Variants in TTC7B observed in about 807,000 individuals in gnomAD.
TTC7B encodes tetratricopeptide repeat protein 7B.
Under a neutral mutation model 106.8 loss-of-function variants are expected in TTC7B, and 28 were observed. The observed-to-expected ratio is 0.26, with a 90% CI of 0.19 to 0.36. The LOEUF is 0.36. Among genes scored for constraint, TTC7B ranks in the 10% least tolerant of loss-of-function variants. The probability of loss-of-function intolerance (pLI) is 1.00; values close to 1 mark genes in which losing one functional copy is unlikely to be tolerated. For missense variants in TTC7B, 862 were observed against 1,076.4 expected (o/e 0.80, Z 2.79); for synonymous variants, 405 against 430.6 (o/e 0.94, Z 0.74).
At chr14:90,606,949 T>A (rs1892664438) in intron 17 of TTC7B, among the ~76,000 whole-genome samples, 1 of 152,292 alleles carries the variant, frequency 6.6e-6, no homozygotes, top group East Asian at 1.9e-4. Context: ...GTATTGTAGT[T>A]ATATATTTTT....
intron 16 of TTC7B, among the ~76,000 whole-genome samples, chr14:90,617,457 T>C (rs1893131850): frequency 6.6e-6 from 1 of 152,232 alleles, no homozygotes; most frequent in Admixed American, 6.5e-5. Context: ...GTATGCATCA[T>C]GATTTTAACT....
At chr14:90,664,661 G>A (rs777665949) in intron 9 of TTC7B, among the ~76,000 whole-genome samples, 1 of 152,214 alleles carries the variant, frequency 6.6e-6, no homozygotes, top group African/African-American at 2.4e-5. Context: ...TGCATGGGGG[G>A]CATATAAGAG....
At chr14:90,719,291 C>G (rs1188207244) in intron 5 of TTC7B, among the ~76,000 whole-genome samples, 1 of 152,092 alleles carries the variant, frequency 6.6e-6, no homozygotes, top group African/African-American at 2.4e-5. Context: ...CAAACAAAAA[C>G]AACAAAAATA....
intron 5 of TTC7B, among the ~76,000 whole-genome samples, chr14:90,729,424 C>A (rs1484508825): frequency 1.3e-5 from 2 of 152,136 alleles, no homozygotes; most frequent in Admixed American, 6.5e-5. Flanking sequence ...ACAGAGGAAC[C>A]AGATACCTAC....
chr14:90,626,496 A>G (rs531530634), intron 15 of TTC7B, among the ~76,000 whole-genome samples: 434 of 152,290 alleles, frequency 2.8e-3, no homozygotes, highest in Middle Eastern at 6.8e-3. Flanking sequence ...AGGGGGTACC[A>G]TTCATACTGT....
intron 14 of TTC7B, among the ~76,000 whole-genome samples, chr14:90,646,278 C>T (rs939016988): frequency 4.6e-5 from 7 of 152,172 alleles, no homozygotes; most frequent in Admixed American, 2.6e-4. Flanking sequence ...TGTCTTGCAC[C>T]TGGTGGGTGG....
intron 17 of TTC7B, among the ~76,000 whole-genome samples, chr14:90,602,444 G>A (rs1476196677): frequency 1.3e-5 from 2 of 152,234 alleles, no homozygotes; most frequent in African/African-American, 2.4e-5. Flanking sequence ...GCTCACGCCT[G>A]TAATCCCAGC....
Position 90,533,471 on chromosome 14 carries a change from C to T in TTC7B, c.*7897G>A, listed in dbSNP as rs1344583494. The T allele has an allele frequency of 6.5e-6, 1 of 152,718 alleles. No individual in the cohort carries two copies. The highest frequency in any genetic ancestry group is 1.5e-5 in the Non-Finnish European group (1 of 68,420). 9.5% of individuals were successfully genotyped at this position (152,718 alleles called of 1,614,324 possible). ...CGTCCCAGCAGCCACTCACCCCTCGCCTGAGGATAGAAGAAAGAAGGAAAG... is the reference window on the plus strand; with the variant it reads ...CGTCCCAGCAGCCACTCACCCCTCGTCTGAGGATAGAAGAAAGAAGGAAAG... On this transcript the variant is annotated 3_prime_UTR_variant, in exon 20 of 20. Coordinates refer to ENST00000328459, the MANE Select transcript of TTC7B (RefSeq NM_001010854.2).
At chr14:90,597,768 G>A (rs1211070519) in intron 17 of TTC7B, among the ~76,000 whole-genome samples, 1 of 152,096 alleles carries the variant, frequency 6.6e-6, no homozygotes, top group Admixed American at 6.5e-5. Context: ...GACTTATATA[G>A]GTAAACAGCT....
intron 15 of TTC7B, among the ~76,000 whole-genome samples, chr14:90,638,564 A>T (rs1311096924): frequency 1.3e-5 from 2 of 152,246 alleles, no homozygotes; most frequent in Admixed American, 1.3e-4. Flanking sequence ...TTAAAAAATT[A>T]TAAAAACATC....
rs990371254 is a variant in TTC7B, at chr14:90,570,794, A to T, written c.2310+7312T>A. On this transcript the variant is annotated intron_variant, in intron 19 of 19. Coordinates refer to ENST00000328459, the MANE Select transcript of TTC7B (RefSeq NM_001010854.2). This position sits in a 1 kb window ranked among gnomAD's most constrained non-coding sequence, Gnocchi z 4.0. ...TTTGCGGAGTGTGAGGCACCCTGCTAACTCATTTAACCCGCACAGCAACAC... is the reference window on the plus strand; with the variant it reads ...TTTGCGGAGTGTGAGGCACCCTGCTTACTCATTTAACCCGCACAGCAACAC... Among the ~76,000 whole-genome samples, 6 of 152,110 alleles carry T rather than the reference A, an allele frequency of 3.9e-5. No homozygotes were observed. Among genetic ancestry groups the T allele is most frequent in the Admixed American group, 1.3e-4 (2 of 15,276 alleles).
chr14:90,531,613 C>A lies in TTC7B; in HGVS notation c.*9755G>T, dbSNP rs1566754790. 1 of 133,354 alleles carries A rather than the reference C, an allele frequency of 7.5e-6. No homozygotes were observed. The highest frequency in any genetic ancestry group is 7.7e-5 in the Admixed American group (1 of 13,030). The allele number at this position is 133,354 out of a possible 1,614,324, so 8.3% of individuals were successfully genotyped here. A position where few individuals can be genotyped will look rare whatever the true frequency, so the allele number is the denominator to read the frequency against. On this transcript the variant is annotated 3_prime_UTR_variant, in exon 20 of 20. Transcript: ENST00000328459. ...CAGCCTGGACAACAAGAGCGAAACTCCTTCTCAAAAAAAAAAAAAAAAAAA... is the reference window on the plus strand; with the variant it reads ...CAGCCTGGACAACAAGAGCGAAACTACTTCTCAAAAAAAAAAAAAAAAAAA...
chr14:90,595,282 G>A (rs778986950), intron 17 of TTC7B, among the ~76,000 whole-genome samples: 4 of 152,064 alleles, frequency 2.6e-5, no homozygotes, highest in South Asian at 4.1e-4. Flanking sequence ...GCAGTGAGCC[G>A]AGGTCGCTCC....
chr14:90,611,508 A>T (rs1315064791), intron 16 of TTC7B, among the ~76,000 whole-genome samples: 1 of 152,118 alleles, frequency 6.6e-6, no homozygotes, highest in East Asian at 1.9e-4. Context: ...CGTGTGGTTA[A>T]CTTTCCTGCT....
intron 19 of TTC7B, among the ~76,000 whole-genome samples, chr14:90,553,443 G>A (rs942643765): frequency 4.6e-5 from 7 of 152,232 alleles, no homozygotes; most frequent in African/African-American, 1.2e-4. Context: ...TCGGCTCTCC[G>A]ATGCACAGCC....
At chr14:90,597,385 C>T (rs943025663) in intron 17 of TTC7B, among the ~76,000 whole-genome samples, 9 of 152,144 alleles carry the variant, frequency 5.9e-5, no homozygotes, top group Admixed American at 2.0e-4. Flanking sequence ...AGGCCAGGCG[C>T]GGTGGCTCAT....
At chr14:90,796,209 A>C (rs1036799659) in intron 1 of TTC7B, among the ~76,000 whole-genome samples, 1 of 152,146 alleles carries the variant, frequency 6.6e-6, no homozygotes. Flanking sequence ...TTCACTTGCT[A>C]GGATTCTCAG....
rs1379856803 is a variant in TTC7B, at chr14:90,816,426, C to T, written c.-131G>A. 1 of 393,886 alleles carries T rather than the reference C, an allele frequency of 2.5e-6. No homozygotes were observed. Among genetic ancestry groups the T allele is most frequent in the African/African-American group, 2.2e-5 (1 of 44,598 alleles). The allele number at this position is 393,886 out of a possible 1,614,324, so 24.4% of individuals were successfully genotyped here. ...CGGCTCCGCGGCGTAACGGGAGCGC[C>T]GGCTGGGGAAGGGGCGGGGAGGCGG... On this transcript the variant is annotated 5_prime_UTR_variant, in exon 1 of 20. Coordinates refer to ENST00000328459, the MANE Select transcript of TTC7B (RefSeq NM_001010854.2).
chr14:90,625,640 A>G (rs967423193), intron 15 of TTC7B, among the ~76,000 whole-genome samples: 8 of 152,278 alleles, frequency 5.3e-5, no homozygotes, highest in Admixed American at 2.0e-4. Flanking sequence ...TGGAGCTGGG[A>G]GGCCTCAAAT....
Sources: gnomAD v4.1 joint callset for allele counts (sites outside exome capture counted in the v4.1 genomes callset) on GRCh38, gnomAD v4.1.1 for gene constraint, Gnocchi (gnomAD v3.1) non-coding constraint, MANE v1.5 for transcripts, NCBI Gene and HGNC (gene_info 2026-07-23, HGNC 2026-07-21) for gene names.